Variants in PRMT7 observed in about 807,000 individuals in gnomAD.
PRMT7 encodes protein arginine methyltransferase 7.
Under a neutral mutation model 85.4 loss-of-function variants are expected in PRMT7, and 75 were observed. That is an observed-to-expected ratio of 0.88 (90% confidence interval 0.73 to 1.06). The LOEUF is 1.06. PRMT7 is among the 50% of genes least tolerant of loss of function. The probability of loss-of-function intolerance (pLI) is 0.00; values close to 1 mark genes in which losing one functional copy is unlikely to be tolerated. For synonymous variants in PRMT7, 397 were observed against 359.5 expected, an observed-to-expected ratio of 1.10 and a Z score of -1.18; for missense variants, 868 against 915.2, an observed-to-expected ratio of 0.95 and a Z score of 0.67.
At chr16:68,313,072 G>A (rs1336018798) in intron 2 of PRMT7, among the ~76,000 whole-genome samples, 1 of 152,166 alleles carries the variant, frequency 6.6e-6, no homozygotes, top group Non-Finnish European at 1.5e-5. Context: ...TGATCCACCT[G>A]CTTTGGTCTC....
downstream of PRMT7, chr16:68,359,334 GC>G (rs1330861764): frequency 6.6e-6 from 1 of 152,406 alleles, no homozygotes; most frequent in Non-Finnish European, 1.5e-5. Context: ...GGTGGGCCGG[GC>G]AGAGAGCCCA....
chr16:68,336,860 C>T (rs941957061), intron 6 of PRMT7, among the ~76,000 whole-genome samples: 1 of 152,182 alleles, frequency 6.6e-6, no homozygotes, highest in Admixed American at 6.5e-5. Context: ...TCAAGTGATT[C>T]TCATGCCTCA....
intron 18 of PRMT7, 29 bp from the exon 19 acceptor site, chr16:68,357,025 T>A: frequency 6.3e-7 from 1 of 1,579,164 alleles, no homozygotes; most frequent in Non-Finnish European, 8.6e-7. Context: ...CAGGGAGCCC[T>A]CACCATCTTC....
At chr16:68,336,456 T>C (rs2084706769) in intron 6 of PRMT7, among the ~76,000 whole-genome samples, 2 of 152,220 alleles carry the variant, frequency 1.3e-5, no homozygotes, top group African/African-American at 4.8e-5. Context: ...ATCTCAATTT[T>C]GGCTGCCAGA....
At chr16:68,348,560 A>G (rs910700658) in intron 14 of PRMT7, 129 bp downstream of exon 14, 35 of 501,514 alleles carry the variant, frequency 7.0e-5, no homozygotes, top group Non-Finnish European at 9.4e-5. Context: ...CTTACCTCCT[A>G]CGAGCTCCCA....
At chr16:68,329,267 A>C in intron 6 of PRMT7, 93 bp downstream of exon 6, 2 of 946,860 alleles carry the variant, frequency 2.1e-6, no homozygotes, top group Non-Finnish European at 3.3e-6. Flanking sequence ...AATCCAGGTC[A>C]TAGCATAGAA....
intron 6 of PRMT7, among the ~76,000 whole-genome samples, chr16:68,333,515 G>T (rs996496388): frequency 6.6e-6 from 1 of 151,860 alleles, no homozygotes; most frequent in Non-Finnish European, 1.5e-5. Flanking sequence ...AAGAAACTAG[G>T]TCTCGCTTTG....
At chr16:68,336,272 A>C (rs1742487202) in intron 6 of PRMT7, among the ~76,000 whole-genome samples, 1 of 152,250 alleles carries the variant, frequency 6.6e-6, no homozygotes, top group Non-Finnish European at 1.5e-5. Context: ...TAATTGTAGA[A>C]GTAGCAGTAC....
chr16:68,348,285 C>T, intron 13 of PRMT7, 57 bp from the exon 14 acceptor site: 4 of 1,358,722 alleles, frequency 2.9e-6, no homozygotes, highest in South Asian at 1.3e-5. Context: ...ATTTTTTTTT[C>T]CTGACAAACA....
At chr16:68,330,092 C>T (rs1217995119) in intron 6 of PRMT7, among the ~76,000 whole-genome samples, 1 of 151,990 alleles carries the variant, frequency 6.6e-6, no homozygotes, top group Non-Finnish European at 1.5e-5. Flanking sequence ...CGGGGTTTCA[C>T]CATGTTGGCC....
chr16:68,316,039 G>A lies in PRMT7; in HGVS notation c.60G>A (p.Glu20=). 1.2e-6 allele frequency: 2 copies of A among 1,613,632 alleles called. No homozygotes were observed. The highest frequency in any genetic ancestry group is 8.5e-7 in the Non-Finnish European group (1 of 1,179,936). The change falls in exon 3 of 19, where the codon GAG becomes GAA. Residue 20 remains glutamate, a synonymous_variant. Coordinates refer to ENST00000441236, the MANE Select transcript of PRMT7 (RefSeq NM_019023.5). ...CGGGGTCTGTGGAGTGGCTGGAGGA[G>A]GATGAACACTATGATTACCACCAGG... ...PTTGSVEWLE[E]DEHYDYHQEI... is the part of the protein sequence containing the mutation.
intron 9 of PRMT7, among the ~76,000 whole-genome samples, chr16:68,342,410 C>A (rs993511451): frequency 1.3e-5 from 2 of 152,198 alleles, no homozygotes; most frequent in Non-Finnish European, 2.9e-5. Flanking sequence ...AGATCTCTTT[C>A]ACTGTCATAA....
chr16:68,356,921 C>A, intron 18 of PRMT7, 124 bp downstream of exon 18: 1 of 1,354,872 alleles, frequency 7.4e-7, no homozygotes, highest in African/African-American at 1.5e-5. Flanking sequence ...AGATGATGAC[C>A]CCTCAGTGGT....
rs780878283 is a variant in PRMT7 at position 68,357,150 on chromosome 16, A to G, written c.2005A>G (p.Ser669Gly). Residue 669 changes from serine (S) to glycine (G), a missense_variant, in exon 19 of 19, where the codon AGC becomes GGC. Transcript: ENST00000441236. ...ACTGCTGGGTGGCCCACGGACTGTC[A>G]GCTATGCAGTGGAGTTTCACCCCGA... The part of the protein sequence containing the change: ...RALLGGPRTV[S>G]YAVEFHPDTG... 1.9e-5 allele frequency: 30 copies of G among 1,613,894 alleles called. No homozygotes were observed. Among genetic ancestry groups the G allele is most frequent in the Non-Finnish European group, 2.5e-5 (29 of 1,180,032 alleles).
chr16:68,338,440 A>C (rs539598107), intron 7 of PRMT7, among the ~76,000 whole-genome samples: 1 of 151,810 alleles, frequency 6.6e-6, no homozygotes, highest in East Asian at 1.9e-4. Flanking sequence ...GAGCTCTCTA[A>C]AGGTCAGCCA....
chr16:68,334,654 G>A (rs2151651036), intron 6 of PRMT7, among the ~76,000 whole-genome samples: 1 of 152,234 alleles, frequency 6.6e-6, no homozygotes, highest in South Asian at 2.1e-4. Flanking sequence ...ATTTGGAAAG[G>A]GCTTAGGAAG....
At chr16:68,346,059 C>T in intron 10 of PRMT7, 86 bp from the exon 11 acceptor site, 1 of 1,585,518 alleles carries the variant, frequency 6.3e-7, no homozygotes, top group Non-Finnish European at 8.6e-7. Flanking sequence ...CTCATGCCTA[C>T]TGGAGACCAG....
rs1036077788 is a variant in PRMT7 at position 68,356,027 on chromosome 16, C to A, written c.1811+144C>A. On this transcript the variant is annotated intron_variant, in intron 17 of 18. Coordinates refer to ENST00000441236, the MANE Select transcript of PRMT7 (RefSeq NM_019023.5). Reference sequence around the variant, plus strand: ...TCCCCACAACCTTGCCCTTCCCTGTCAGAGTGGCCCTGCGCGTGTGGTGGT... The same window carrying A: ...TCCCCACAACCTTGCCCTTCCCTGTAAGAGTGGCCCTGCGCGTGTGGTGGT... 6.3e-6 allele frequency: 6 copies of A among 949,644 alleles called. No homozygotes were observed. The African/African-American group carries it at 1.0e-4, about 16-fold the overall frequency. 58.8% of individuals were successfully genotyped at this position (949,644 alleles called of 1,614,324 possible). A position where few individuals can be genotyped will look rare whatever the true frequency, so the allele number is the denominator to read the frequency against.
intron 9 of PRMT7, among the ~76,000 whole-genome samples, chr16:68,340,914 T>C (rs2085429015): frequency 6.6e-6 from 1 of 152,176 alleles, no homozygotes; most frequent in African/African-American, 2.4e-5. Flanking sequence ...AGCTTCAGGG[T>C]GGATTATTAC....
Sources: gnomAD v4.1 joint callset for allele counts (sites outside exome capture counted in the v4.1 genomes callset) on GRCh38, gnomAD v4.1.1 for gene constraint, MANE v1.5 for transcripts, NCBI Gene and HGNC (gene_info 2026-07-23, HGNC 2026-07-21) for gene names.